PTPRJ: variants seen among roughly 807,000 people sequenced by gnomAD.
The protein encoded by PTPRJ is receptor-type tyrosine-protein phosphatase eta.
PTPRJ carries 129 observed loss-of-function variants against 141.3 expected under a neutral mutation model. The ratio of observed to expected loss-of-function variants is 0.91; its 90% CI spans 0.79 to 1.06. PTPRJ has a LOEUF of 1.06. Among genes scored for constraint, PTPRJ ranks in the 50% least tolerant of loss-of-function variants. PTPRJ has a pLI of 0.00. For missense variants in PTPRJ, 1,601 were observed against 1,679.7 expected (o/e 0.95, Z 0.82); for synonymous variants, 610 against 640.5 (o/e 0.95, Z 0.72).
intron 1 of PTPRJ, among the ~76,000 whole-genome samples, chr11:48,101,426 TC>T (rs1856145669): frequency 1.3e-5 from 2 of 152,292 alleles, no homozygotes; most frequent in South Asian, 4.1e-4. Context: ...TGCAGATAGT[TC>T]CGTGAGAAGC....
Position 48,159,966 on chromosome 11 carries a change from C to A in PTPRJ, c.3475C>A (p.Gln1159Lys), listed in dbSNP as rs183290463. 2 of 1,613,940 alleles carry A rather than the reference C, an allele frequency of 1.2e-6. No individual in the cohort carries two copies. Among genetic ancestry groups the A allele is most frequent in the East Asian group, 4.5e-5 (2 of 44,874 alleles). ...CEEYWPSKQA[Q>K]DYGDITVAMT... ...GGAGTATTGGCCCTCCAAGCAGGCTCAGGACTATGGAGACATAACTGTGGC... is the reference window on the plus strand; with the variant it reads ...GGAGTATTGGCCCTCCAAGCAGGCTAAGGACTATGGAGACATAACTGTGGC... Residue 1159 changes from glutamine (Q) to lysine (K), a missense_variant, in exon 22 of 25, where the codon CAG (glutamine) becomes AAG (lysine). Coordinates refer to ENST00000418331, the MANE Select transcript of PTPRJ (RefSeq NM_002843.4).
At chr11:48,075,032 A>G (rs1425405683) in intron 1 of PTPRJ, among the ~76,000 whole-genome samples, 1 of 152,248 alleles carries the variant, frequency 6.6e-6, no homozygotes, top group East Asian at 1.9e-4. Context: ...CAGCTGAGAC[A>G]GCTGAAGGAG....
At chr11:48,063,117 CG>C (rs1363377645) in intron 1 of PTPRJ, among the ~76,000 whole-genome samples, 1 of 152,146 alleles carries the variant, frequency 6.6e-6, no homozygotes, top group Non-Finnish European at 1.5e-5. Context: ...CACCTGAGGT[CG>C]GGAGTTTGAG....
intron 8 of PTPRJ, chr11:48,132,081 G>T: frequency 8.5e-6 from 8 of 936,186 alleles, no homozygotes; most frequent in Non-Finnish European, 1.0e-5. Flanking sequence ...TTTTAAGATG[G>T]TAAAGAAGTC....
At chr11:48,028,472 C>T (rs1287485311) in intron 1 of PTPRJ, among the ~76,000 whole-genome samples, 1 of 152,088 alleles carries the variant, frequency 6.6e-6, no homozygotes, top group African/African-American at 2.4e-5. Context: ...GTAGACTGGC[C>T]ACAGCCCAGC....
At chr11:48,149,969 C>A (rs201131933) in intron 16 of PTPRJ, 21 bp from the exon 17 acceptor site, 106 of 1,432,468 alleles carry the variant, frequency 7.4e-5, no homozygotes, top group Admixed American at 1.9e-5. Context: ...CATATTTTTT[C>A]TTTCCCTTTC....
intron 1 of PTPRJ, among the ~76,000 whole-genome samples, chr11:48,040,956 C>T (rs1289641796): frequency 6.6e-6 from 1 of 152,098 alleles, no homozygotes; most frequent in Non-Finnish European, 1.5e-5. Flanking sequence ...TTGTCCTGCA[C>T]ATGTGCACTG....
intron 1 of PTPRJ, among the ~76,000 whole-genome samples, chr11:48,080,225 G>T (rs551821875): frequency 1.3e-5 from 2 of 152,316 alleles, no homozygotes; most frequent in East Asian, 3.9e-4. Flanking sequence ...CTGGAACTTG[G>T]ATTTAATTTC....
At chr11:48,117,569 A>AAAAAAAAAAAAAAAAAC (rs1856601287) in intron 3 of PTPRJ, among the ~76,000 whole-genome samples, 1 of 146,364 alleles carries the variant, frequency 6.8e-6, no homozygotes, top group Non-Finnish European at 1.5e-5. Context: ...AAAAAAAAAA[A>AAAAAAAAAAAAAAAAAC]AAAAAAGCAA....
rs533083387 is a variant in PTPRJ at position 48,073,297 on chromosome 11, C to T, written c.97-36761C>T. 5.8e-4 allele frequency among the ~76,000 whole-genome samples: 88 copies of T among 152,240 alleles called. 1 individual carries two copies. Among genetic ancestry groups the T allele is most frequent in the Non-Finnish European group, 9.4e-4 (64 of 68,036 alleles). On this transcript the variant is annotated intron_variant, in intron 1 of 24. Transcript: ENST00000418331. Reference sequence around the variant, plus strand: ...TCTCTATTCTAAAATGTGGGCATCCCACATGAGGTCCAGCTTCTCCTGAGA... The same window carrying T: ...TCTCTATTCTAAAATGTGGGCATCCTACATGAGGTCCAGCTTCTCCTGAGA...
At chr11:48,117,006 A>C (rs1250658157) in intron 3 of PTPRJ, among the ~76,000 whole-genome samples, 1 of 152,192 alleles carries the variant, frequency 6.6e-6, no homozygotes, top group African/African-American at 2.4e-5. Flanking sequence ...ATCTGTCCCC[A>C]GGTCACTTAC....
intron 13 of PTPRJ, 21 bp downstream of exon 13, chr11:48,144,906 C>T (rs750393604): frequency 3.1e-5 from 50 of 1,613,830 alleles, no homozygotes; most frequent in Non-Finnish European, 4.2e-5. Context: ...CTGGTTCTTA[C>T]TCTTTGGGGG....
At chr11:48,048,285 C>G (rs1854462114) in intron 1 of PTPRJ, among the ~76,000 whole-genome samples, 1 of 152,140 alleles carries the variant, frequency 6.6e-6, no homozygotes, top group South Asian at 2.1e-4. Flanking sequence ...GTTGATACCC[C>G]TTCTCACAGA....
At position 48,074,755 on chromosome 11, in the gene PTPRJ, A is replaced by G. The variant is rs534965380; in HGVS notation, c.97-35303A>G. On this transcript the variant is annotated intron_variant, in intron 1 of 24. Coordinates refer to ENST00000418331, the MANE Select transcript of PTPRJ (RefSeq NM_002843.4). ...AAAGTTTTTTTTGACTCTCATGTTGAACGTTGTCTAAAGTGCAGTGTGCCC... is the reference window on the plus strand; with the variant it reads ...AAAGTTTTTTTTGACTCTCATGTTGGACGTTGTCTAAAGTGCAGTGTGCCC... Among the ~76,000 whole-genome samples the G allele has an allele frequency of 2.0e-3, 309 of 152,224 alleles. 1 individual carries two copies. Among genetic ancestry groups the G allele is most frequent in the Middle Eastern group, 3.4e-3 (1 of 294 alleles).
At chr11:48,145,191 C>G in intron 14 of PTPRJ, 67 bp downstream of exon 14, 2 of 1,600,204 alleles carry the variant, frequency 1.2e-6, no homozygotes, top group Non-Finnish European at 1.7e-6. Flanking sequence ...CATAGAAGGC[C>G]AGCTGTGTAC....
At chr11:48,124,451 A>G (rs1183068659) in intron 5 of PTPRJ, among the ~76,000 whole-genome samples, 2 of 152,176 alleles carry the variant, frequency 1.3e-5, no homozygotes. Flanking sequence ...AGATGAGGCA[A>G]TTCTCATCCC....
Position 47,980,947 on chromosome 11 carries a change from C to T in PTPRJ, c.35C>T (p.Pro12Leu), listed in dbSNP as rs1853884874. 1.7e-6 allele frequency: 2 copies of T among 1,191,532 alleles called. No homozygotes were observed. Among genetic ancestry groups the T allele is most frequent in the African/African-American group, 1.6e-5 (1 of 62,222 alleles). 73.8% of individuals were successfully genotyped at this position (1,191,532 alleles called of 1,614,324 possible). ...KPAAREARLP[P>L]RSPGLRWALP... Reference sequence around the variant, plus strand: ...GCGGCGCGGGAGGCGCGGCTGCCTCCGCGCTCGCCCGGGCTGCGCTGGGCG... The same window carrying T: ...GCGGCGCGGGAGGCGCGGCTGCCTCTGCGCTCGCCCGGGCTGCGCTGGGCG... The change falls in exon 1 of 25, where the codon CCG (proline) becomes CTG (leucine). Residue 12 changes from proline (P) to leucine (L), a missense_variant. Transcript: ENST00000418331.
At chr11:48,101,334 C>G (rs1197350925) in intron 1 of PTPRJ, among the ~76,000 whole-genome samples, 1 of 152,198 alleles carries the variant, frequency 6.6e-6, no homozygotes, top group Non-Finnish European at 1.5e-5. Context: ...CTCCTCACCT[C>G]TGTAGTGTGG....
chr11:48,072,553 A>T (rs1855289900), intron 1 of PTPRJ, among the ~76,000 whole-genome samples: 1 of 152,192 alleles, frequency 6.6e-6, no homozygotes, highest in Non-Finnish European at 1.5e-5. Context: ...TGTGCTTTGT[A>T]CTGGGGTGTA....
Sources: gnomAD v4.1 joint callset for allele counts (sites outside exome capture counted in the v4.1 genomes callset) on GRCh38, gnomAD v4.1.1 for gene constraint, MANE v1.5 for transcripts, NCBI Gene and HGNC (gene_info 2026-07-23, HGNC 2026-07-21) for gene names.